PAFAH2: variants seen among roughly 807,000 people sequenced by gnomAD.
PAFAH2 encodes platelet-activating factor acetylhydrolase 2, cytoplasmic.
PAFAH2 carries 42 observed loss-of-function variants against 49.0 expected under a neutral mutation model. That is an observed-to-expected ratio of 0.86 (90% confidence interval 0.67 to 1.11). The LOEUF is 1.11. Among genes scored for constraint, PAFAH2 ranks in the 50% least tolerant of loss-of-function variants. PAFAH2 has a pLI of 0.00. For missense variants in PAFAH2, 503 were observed against 501.8 expected (o/e 1.00, Z -0.02); for synonymous variants, 184 against 181.3 (o/e 1.01, Z -0.12).
Position 25,989,579 on chromosome 1 carries a change from T to G in PAFAH2, c.113A>C (p.Tyr38Ser), listed in dbSNP as rs767934731. Reference sequence around the variant, plus strand: ...GGTCTCCTCTGCCTTTTGGCAGGGGTAGAAGAGTCGAAAGAAGCTCCCCTG... The same window carrying G: ...GGTCTCCTCTGCCTTTTGGCAGGGGGAGAAGAGTCGAAAGAAGCTCCCCTG... ...NLQGSFFRLF[Y>S]PCQKAEETME... Residue 38 changes from tyrosine to serine, a missense_variant, in exon 3 of 11, where the codon TAC (tyrosine) becomes TCC (serine). By Grantham distance (144) the Tyr-to-Ser change is moderately radical (BLOSUM62 -2). Transcript: ENST00000374282. 1 of 1,596,604 alleles carries G rather than the reference T, an allele frequency of 6.3e-7. No homozygotes were observed. Among genetic ancestry groups the G allele is most frequent in the South Asian group, 1.1e-5 (1 of 88,612 alleles).
chr1:25,972,986 G>A (rs2124330882), intron 9 of PAFAH2, among the ~76,000 whole-genome samples: 1 of 152,304 alleles, frequency 6.6e-6, no homozygotes, highest in African/African-American at 2.4e-5. Flanking sequence ...TACAATGCCT[G>A]GCAGTGCAGG....
chr1:25,974,100 G>A (rs1450034519), intron 9 of PAFAH2, among the ~76,000 whole-genome samples: 1 of 152,088 alleles, frequency 6.6e-6, no homozygotes, highest in Admixed American at 6.6e-5. Flanking sequence ...AATGTGTCTG[G>A]TGAATATCAA....
intron 10 of PAFAH2, among the ~76,000 whole-genome samples, chr1:25,964,044 C>T (rs570226612): frequency 1.3e-5 from 2 of 152,246 alleles, no homozygotes; most frequent in South Asian, 4.1e-4. Context: ...GACTGGAGGG[C>T]CACATGACAT....
chr1:25,967,125 G>A (rs781734917), intron 10 of PAFAH2, among the ~76,000 whole-genome samples: 24 of 151,966 alleles, frequency 1.6e-4, no homozygotes, highest in South Asian at 8.3e-4. Context: ...ATTTGGATGA[G>A]AGATGATTTG....
In PAFAH2 at chr1:25,974,705, T is replaced by C. The variant is rs184315892; in HGVS notation, c.759-55A>G. On this transcript the variant is annotated intron_variant, in intron 8 of 10. Coordinates refer to ENST00000374282, the MANE Select transcript of PAFAH2 (RefSeq NM_000437.4). ...CATGCGGATCCCAGGCAAGAATAGTTAGGGTGGTGGAGGGAAGGGCGGAGT... is the reference window on the plus strand; with the variant it reads ...CATGCGGATCCCAGGCAAGAATAGTCAGGGTGGTGGAGGGAAGGGCGGAGT... 145 of 1,547,068 alleles carry C rather than the reference T, an allele frequency of 9.4e-5. No individual in the cohort carries two copies. In the African/African-American group the frequency reaches 1.6e-3, roughly 17 times the overall value.
chr1:25,967,847 G>T (rs2049449647), intron 10 of PAFAH2, among the ~76,000 whole-genome samples: 1 of 152,118 alleles, frequency 6.6e-6, no homozygotes, highest in Non-Finnish European at 1.5e-5. Flanking sequence ...AAATGAACCA[G>T]CAGAGAGGGA....
At chr1:25,973,838 GC>G (rs1349910032) in intron 9 of PAFAH2, among the ~76,000 whole-genome samples, 1 of 152,182 alleles carries the variant, frequency 6.6e-6, no homozygotes, top group African/African-American at 2.4e-5. Context: ...CAACTGCAGG[GC>G]AGGAGCAGTC....
chr1:25,991,685 G>C (rs1393609985), intron 1 of PAFAH2, among the ~76,000 whole-genome samples: 1 of 148,282 alleles, frequency 6.7e-6, no homozygotes, highest in Non-Finnish European at 1.5e-5. Context: ...CTGAGGTCAG[G>C]AGTTCAAGAC....
rs149392992 is a variant in PAFAH2, at chr1:25,962,107, A to G, written c.1085-24T>C. 514 of 1,572,238 alleles carry G rather than the reference A, an allele frequency of 3.3e-4. 2 individuals are homozygous for G. The African/African-American group carries it at 6.3e-3, about 19-fold the overall frequency. On this transcript the variant is annotated intron_variant, in intron 10 of 10. Transcript: ENST00000374282. ...GTCTGAAAAGGAAAAAAACAGGAAC[A>G]TTAGGCAAATCATTGTGAGGTTTGG...
chr1:25,989,032 T>C (rs748150613), intron 3 of PAFAH2, among the ~76,000 whole-genome samples: 28 of 151,622 alleles, frequency 1.8e-4, no homozygotes, highest in Non-Finnish European at 1.0e-4. Context: ...GTTAAGAATC[T>C]TTCTTTGATA....
intron 1 of PAFAH2, among the ~76,000 whole-genome samples, chr1:25,994,354 C>T (rs963671605): frequency 6.6e-6 from 1 of 152,020 alleles, no homozygotes; most frequent in Admixed American, 6.6e-5. Context: ...TGGTCTCAAC[C>T]TCTTGGGCTC....
intron 10 of PAFAH2, among the ~76,000 whole-genome samples, chr1:25,971,279 C>G (rs1037781146): frequency 2.6e-5 from 4 of 152,184 alleles, no homozygotes; most frequent in Non-Finnish European, 5.9e-5. Context: ...AGCTCAGAGC[C>G]TAGCTGGGAC....
At chr1:25,994,299 T>G (rs538589522) in intron 1 of PAFAH2, among the ~76,000 whole-genome samples, 1 of 152,116 alleles carries the variant, frequency 6.6e-6, no homozygotes, top group African/African-American at 2.4e-5. Flanking sequence ...CCGGCTAATT[T>G]TTGTATTTAT....
intron 3 of PAFAH2, among the ~76,000 whole-genome samples, chr1:25,989,171 C>A (rs1275009160): frequency 6.6e-6 from 1 of 152,142 alleles, no homozygotes; most frequent in Non-Finnish European, 1.5e-5. Flanking sequence ...GTACTACAAA[C>A]CCCCAAAGAC....
intron 10 of PAFAH2, among the ~76,000 whole-genome samples, chr1:25,968,864 G>A (rs1473266538): frequency 1.3e-5 from 2 of 151,960 alleles, no homozygotes; most frequent in East Asian, 3.9e-4. Context: ...TAAAATGCTG[G>A]GATTATAGAC....
At chr1:25,972,949 G>A (rs2049532625) in intron 9 of PAFAH2, among the ~76,000 whole-genome samples, 1 of 152,190 alleles carries the variant, frequency 6.6e-6, no homozygotes, top group African/African-American at 2.4e-5. Context: ...GATGTGCTTG[G>A]CTTCAAAGCT....
chr1:25,984,426 G>C (rs1389854562), intron 5 of PAFAH2, 34 bp downstream of exon 5: 1 of 1,552,778 alleles, frequency 6.4e-7, no homozygotes, highest in East Asian at 2.2e-5. Context: ...CTAGCTCACT[G>C]CAGGCACCCA....
At chr1:25,994,431 C>T (rs913373757) in intron 1 of PAFAH2, among the ~76,000 whole-genome samples, 13 of 152,254 alleles carry the variant, frequency 8.5e-5, no homozygotes, top group African/African-American at 3.1e-4. Context: ...CGTGCCAGCC[C>T]TGCCTAGCTT....
At chr1:25,984,975 C>T (rs2049759713) in intron 4 of PAFAH2, among the ~76,000 whole-genome samples, 1 of 151,914 alleles carries the variant, frequency 6.6e-6, no homozygotes, top group South Asian at 2.1e-4. Context: ...CTGCCTCAGC[C>T]TCCTGAGTAG....
Sources: gnomAD v4.1 joint callset for allele counts (sites outside exome capture counted in the v4.1 genomes callset) on GRCh38, gnomAD v4.1.1 for gene constraint, MANE v1.5 for transcripts, NCBI Gene and HGNC (gene_info 2026-07-23, HGNC 2026-07-21) for gene names.